PGAP6: variants seen among roughly 807,000 people sequenced by gnomAD.
PGAP6 encodes post-GPI attachment to proteins 6.
A neutral mutation model predicts 68.4 loss-of-function variants in PGAP6; 62 were observed. That is an observed-to-expected ratio of 0.91 (90% CI 0.74 to 1.12). The LOEUF is 1.12. PGAP6 is among the 50% of genes most tolerant of loss of function. The pLI is 0.00. For missense variants in PGAP6, 1,188 were observed against 1,068.5 expected, an observed-to-expected ratio of 1.11 and a Z score of -1.56; for synonymous variants, 575 against 474.0, an observed-to-expected ratio of 1.21 and a Z score of -2.77.
In PGAP6 at chr16:371,679, G is replaced by A; in HGVS notation, c.*308C>T. The stretch of plus-strand genomic sequence containing the variant: ...CCCATCTCTAGCCACCCACAGGCCA[G>A]CAGAGCACACAGCCCCACCCTCGCA... On this transcript the variant is annotated 3_prime_UTR_variant, in exon 13 of 13. Coordinates refer to ENST00000431232, the MANE Select transcript of PGAP6 (RefSeq NM_021259.3). 2 of 378,884 alleles carry A rather than the reference G, an allele frequency of 5.3e-6. No individual in the cohort carries two copies. The highest frequency in any genetic ancestry group is 4.9e-6 in the Non-Finnish European group (1 of 202,966). The allele number at this position is 378,884 out of a possible 1,614,324, so 23.5% of individuals were successfully genotyped here.
intron 4 of PGAP6, 108 bp from the exon 5 acceptor site, chr16:376,920 T>C: frequency 6.4e-7 from 1 of 1,558,752 alleles, no homozygotes; most frequent in African/African-American, 1.4e-5. Context: ...GGGCCAGGCA[T>C]CTGGACCACT....
At position 372,698 on chromosome 16, in the gene PGAP6, G is replaced by A. The variant is rs375688501; in HGVS notation, c.1932C>T (p.Ile644=). ...YVLFLLGTLV[I]AMSLQLDRRG... ...TGCGGTCCAGCTGCAAGGACATGGC[G>A]ATGACCAGTGTACCCAGAAGAAACA... Residue 644 remains isoleucine, a synonymous_variant, in exon 12 of 13, where the codon ATC becomes ATT. Transcript: ENST00000431232. The A allele has an allele frequency of 1.4e-5, 23 of 1,612,054 alleles. 1 individual carries two copies. Among genetic ancestry groups the A allele is most frequent in the African/African-American group, 9.3e-5 (7 of 74,882 alleles).
Position 371,923 on chromosome 16 carries a change from C to T in PGAP6, c.*64G>A. 1.3e-6 allele frequency: 2 copies of T among 1,547,420 alleles called. No homozygotes were observed. The highest frequency in any genetic ancestry group is 1.8e-5 in the Admixed American group (1 of 56,792). On this transcript the variant is annotated 3_prime_UTR_variant, in exon 13 of 13. Coordinates refer to ENST00000431232, the MANE Select transcript of PGAP6 (RefSeq NM_021259.3). ...ATCTGTCCAGGGCTGGACCAGGCGCCTCCCCCTCGATACAGCTCCTGGCTG... is the reference window on the plus strand; with the variant it reads ...ATCTGTCCAGGGCTGGACCAGGCGCTTCCCCCTCGATACAGCTCCTGGCTG...
chr16:372,105 G>A lies in PGAP6; in HGVS notation c.2198C>T (p.Ala733Val). The A allele has an allele frequency of 1.2e-6, 2 of 1,612,552 alleles. No homozygotes were observed. Among genetic ancestry groups the A allele is most frequent in the South Asian group, 1.1e-5 (1 of 91,058 alleles). Residue 733 changes from alanine to valine, a missense_variant, in exon 13 of 13, where the codon GCA (alanine) becomes GTA (valine). Transcript: ENST00000431232. The part of the protein sequence containing the change: ...SIWHILLAGS[A>V]ALLLPPPDQP... ...GTCAGGTGGCGGCAGCAGCAAGGCT[G>A]CGCTCCCGGCCAGCAGGATGTGCCA...
intron 6 of PGAP6, 48 bp from the exon 7 acceptor site, chr16:375,483 AGT>A (rs2054374416): frequency 6.4e-7 from 1 of 1,553,158 alleles, no homozygotes; most frequent in Non-Finnish European, 8.8e-7. Context: ...CCCTGGCCGC[AGT>A]GGGGTCATCT....
At chr16:375,822 G>A (rs1050762971) in intron 6 of PGAP6, among the ~76,000 whole-genome samples, 4 of 151,802 alleles carry the variant, frequency 2.6e-5, no homozygotes, top group Non-Finnish European at 4.4e-5. Context: ...GAGCCACCGC[G>A]CCCGGCCGGT....
chr16:372,299 A>G lies in PGAP6; in HGVS notation c.2020-16T>C. 5.6e-6 allele frequency: 9 copies of G among 1,602,254 alleles called. No individual in the cohort carries two copies. The highest frequency in any genetic ancestry group is 1.1e-5 in the South Asian group (1 of 90,780). On this transcript the variant is annotated splice_polypyrimidine_tract_variant and intron_variant, in intron 12 of 12. Coordinates refer to ENST00000431232, the MANE Select transcript of PGAP6 (RefSeq NM_021259.3). The stretch of plus-strand genomic sequence containing the variant: ...AGCGGTAAGCCTGGAGAAAACAGCC[A>G]CGCAGGTATCAGTGCAGGTGGGGCC...
chr16:377,117 G>T lies in PGAP6; in HGVS notation c.555C>A (p.Val185=). ...TGATGGAAATCTCGACCACCCGCGT[G>T]ACCAGCAGTTCAGGCTGGAAGACGT... ...CAYVFQPELL[V]TRVVEISIME... The change falls in exon 4 of 13, where the codon GTC becomes GTA. Residue 185 remains valine (V), a synonymous_variant. Coordinates refer to ENST00000431232, the MANE Select transcript of PGAP6 (RefSeq NM_021259.3). 6.2e-7 allele frequency: 1 copy of T among 1,613,668 alleles called. No homozygotes were observed. Among genetic ancestry groups the T allele is most frequent in the South Asian group, 1.1e-5 (1 of 91,082 alleles).
chr16:371,830 G>C lies in PGAP6; in HGVS notation c.*157C>G. 1.4e-6 allele frequency: 1 copy of C among 704,888 alleles called. No individual in the cohort carries two copies. Among genetic ancestry groups the C allele is most frequent in the Non-Finnish European group, 2.3e-6 (1 of 431,378 alleles). The allele number at this position is 704,888 out of a possible 1,614,324, so 43.7% of individuals were successfully genotyped here. ...GGCGAGGAGAGGTGCGTGTGAGGGA[G>C]GGGTGGCCCTCTCCTCAGTAGGAGG... On this transcript the variant is annotated 3_prime_UTR_variant, in exon 13 of 13. Coordinates refer to ENST00000431232, the MANE Select transcript of PGAP6 (RefSeq NM_021259.3).
chr16:377,396 G>C lies in PGAP6; in HGVS notation c.489C>G (p.Ser163=). Residue 163 remains serine (S), a synonymous_variant, in exon 3 of 13, where the codon TCC becomes TCG. Coordinates refer to ENST00000431232, the MANE Select transcript of PGAP6 (RefSeq NM_021259.3). Reference sequence around the variant, plus strand: ...CCCTCACCTTCAACTCGATCTTCTGGGATGAGGGGGGCAGGTGGGCGGCCA... The same window carrying C: ...CCCTCACCTTCAACTCGATCTTCTGCGATGAGGGGGGCAGGTGGGCGGCCA... ...WFVAAHLPPS[S]QKIELKGLAP... 2 of 1,601,678 alleles carry C rather than the reference G, an allele frequency of 1.2e-6. No homozygotes were observed. The highest frequency in any genetic ancestry group is 1.1e-5 in the South Asian group (1 of 89,882).
Position 376,770 on chromosome 16 carries a change from C to A in PGAP6, c.678G>T (p.Leu226=), listed in dbSNP as rs2054388477. The A allele has an allele frequency of 1.9e-6, 3 of 1,610,590 alleles. No homozygotes were observed. The highest frequency in any genetic ancestry group is 2.5e-6 in the Non-Finnish European group (3 of 1,179,918). Reference sequence around the variant, plus strand: ...GGCTCCCATTGGACACGCAGTCCCGCAGCTCCAGCAGAAGCTCCCGCGTGT... The same window carrying A: ...GGCTCCCATTGGACACGCAGTCCCGAAGCTCCAGCAGAAGCTCCCGCGTGT... ...PDYTRELLLE[L]RDCVSNGSLG... The change falls in exon 5 of 13, where the codon CTG becomes CTT. Residue 226 remains leucine (L), a synonymous_variant. Coordinates refer to ENST00000431232, the MANE Select transcript of PGAP6 (RefSeq NM_021259.3).
chr16:374,827 C>T lies in PGAP6; in HGVS notation c.1505G>A (p.Cys502Tyr), dbSNP rs1342624967. The T allele has an allele frequency of 6.2e-7, 1 of 1,613,046 alleles. No homozygotes were observed. Among genetic ancestry groups the T allele is most frequent in the Non-Finnish European group, 8.5e-7 (1 of 1,179,972 alleles). Residue 502 changes from cysteine to tyrosine, a missense_variant, in exon 9 of 13, where the codon TGT (cysteine) becomes TAT (tyrosine). Physicochemically the swap from Cys to Tyr is radical, Grantham distance 194 (BLOSUM62 -2). Coordinates refer to ENST00000431232, the MANE Select transcript of PGAP6 (RefSeq NM_021259.3). ...CAGGAGGCACTGGCCATAGGGTCCA[C>T]AATCGTTCAAACAGGGCACCAGGTA... ...TLYLVPCLND[C>Y]GPYGQCLLLR...
At chr16:386,780 G>C (rs1016355497), upstream of PGAP6, 1 of 472,872 alleles carries the variant, frequency 2.1e-6, no homozygotes, top group East Asian at 5.4e-5. Flanking sequence ...TGAAAGCAAA[G>C]AAGGAAGCTC....
upstream of PGAP6, among the ~76,000 whole-genome samples, chr16:385,508 T>TTG: frequency 6.6e-6 from 1 of 150,634 alleles, no homozygotes; most frequent in East Asian, 2.0e-4. Flanking sequence ...AGATGGGATT[T>TTG]CACCCTGTTA....
Position 374,299 on chromosome 16 carries a change from C to CA in PGAP6, c.1676dup (p.Ala560GlyfsTer156), listed in dbSNP as rs770060069. 6.2e-7 allele frequency: 1 copy of CA among 1,606,590 alleles called. No homozygotes were observed. Among genetic ancestry groups the CA allele is most frequent in the Non-Finnish European group, 8.5e-7 (1 of 1,179,768 alleles). ...GCCGCACTGAGACGGCGATGGGGGC[C>CA]AGGAACATGAGGTTGCTGAGCGTGA... On this transcript the variant is annotated frameshift_variant, in exon 10 of 13. Transcript: ENST00000431232. LOFTEE classifies it high-confidence loss of function.
chr16:381,927 GC>G lies in PGAP6; in HGVS notation c.-107del. On this transcript the variant is annotated 5_prime_UTR_variant, in exon 1 of 13. It removes the in-frame stop codon of an upstream open reading frame in the 5' UTR. Transcript: ENST00000431232. ...CTCCGCCTCTGCCGCCTCCGCCTCT[GC>G]CCCCGGCGCCCATGGCCCGGCCGGT... is the stretch of plus-strand genomic sequence containing the variant. 1.0e-6 allele frequency: 1 copy of G among 972,112 alleles called. No homozygotes were observed. The highest frequency in any genetic ancestry group is 1.2e-6 in the Non-Finnish European group (1 of 820,374). The allele number at this position is 972,112 out of a possible 1,614,324, so 60.2% of individuals were successfully genotyped here. A position where few individuals can be genotyped will look rare whatever the true frequency, so the allele number is the denominator to read the frequency against.
Position 381,887 on chromosome 16 carries a change from G to A in PGAP6, c.-66C>T. On this transcript the variant is annotated 5_prime_UTR_variant, in exon 1 of 13. Transcript: ENST00000431232. ...CGCCGCCGGCCCCCGCCGCCGCCCG[G>A]GCAGCCTCTGCCGCCTCCGCCTCTG... The A allele has an allele frequency of 1.0e-6, 1 of 973,886 alleles. No homozygotes were observed. 60.3% of individuals were successfully genotyped at this position (973,886 alleles called of 1,614,324 possible).
exon 1 of PGAP6, chr16:386,979 C>A: frequency 1.8e-6 from 1 of 566,668 alleles, no homozygotes; most frequent in East Asian, 4.5e-5. Flanking sequence ...CAAGCTTGGC[C>A]ACTATGCTGT....
chr16:375,248 G>T lies in PGAP6; in HGVS notation c.1324C>A (p.Gln442Lys). The change falls in exon 8 of 13, where the codon CAG becomes AAG. Residue 442 changes from glutamine to lysine, a missense_variant. Physicochemically the swap from Gln to Lys is moderately conservative, Grantham distance 53 (BLOSUM62 1). Transcript: ENST00000431232. ...TSLNCTTAFF[Q>K]GYPLSLSAWS... ...GCGCTCAGAGACAAAGGGTAGCCCT[G>T]GAAGAAGGCTGCAGGGGAGCCAGAG... The T allele has an allele frequency of 6.2e-7, 1 of 1,613,114 alleles. No homozygotes were observed. The highest frequency in any genetic ancestry group is 8.5e-7 in the Non-Finnish European group (1 of 1,179,970).
Sources: allele counts gnomAD v4.1 joint callset (sites outside exome capture counted in the v4.1 genomes callset), GRCh38; gene constraint gnomAD v4.1.1; transcripts MANE v1.5; gene names NCBI Gene and HGNC (gene_info 2026-07-23, HGNC 2026-07-21).